HERC4: variants seen among roughly 807,000 people sequenced by gnomAD.
HERC4 encodes probable E3 ubiquitin-protein ligase HERC4.
A neutral mutation model predicts 124.3 loss-of-function variants in HERC4; 28 were observed. That is an observed-to-expected ratio of 0.23 (90% CI 0.17 to 0.31). The LOEUF is 0.31. Among genes scored for constraint, HERC4 ranks in the 10% least tolerant of loss-of-function variants. The pLI, the probability that HERC4 is intolerant of heterozygous loss-of-function variation, is 1.00. For synonymous variants in HERC4, 407 were observed against 421.5 expected (o/e 0.97, Z 0.42); for missense variants, 713 against 1,229.3 (o/e 0.58, Z 6.28).
At chr10:68,041,943 A>C (rs2039788529) in intron 4 of HERC4, among the ~76,000 whole-genome samples, 1 of 152,206 alleles carries the variant, frequency 6.6e-6, no homozygotes, top group South Asian at 2.1e-4. Flanking sequence ...AATATTATCC[A>C]TCCACTGGCA....
chr10:67,958,372 CTTTGGCTTCAAAA>C (rs145316105), intron 16 of HERC4, among the ~76,000 whole-genome samples: 14,222 of 152,218 alleles, frequency 0.093, 886 homozygotes, highest in Middle Eastern at 0.18. Context: ...CCAAAGCACC[CTTTGGCTTCAAAA>C]CTCTATGTTT....
intron 2 of HERC4, among the ~76,000 whole-genome samples, chr10:68,073,409 C>T (rs576419998): frequency 4.3e-4 from 66 of 152,166 alleles, no homozygotes; most frequent in Non-Finnish European, 6.8e-4. Context: ...TGATCCTTTG[C>T]AAAATTTAAA....
intron 15 of HERC4, among the ~76,000 whole-genome samples, chr10:67,980,978 GA>G (rs1176636900): frequency 3.3e-5 from 5 of 151,562 alleles, no homozygotes; most frequent in African/African-American, 1.2e-4. Context: ...AAAACAGCAA[GA>G]AAAAAAAGGA....
At chr10:67,951,765 G>A (rs754146912) in intron 19 of HERC4, among the ~76,000 whole-genome samples, 8 of 152,000 alleles carry the variant, frequency 5.3e-5, no homozygotes, top group African/African-American at 7.3e-5. Flanking sequence ...TCTGAAACAC[G>A]GGCCAACTGA....
At chr10:67,943,313 T>C (rs2033070868) in intron 19 of HERC4, among the ~76,000 whole-genome samples, 1 of 151,996 alleles carries the variant, frequency 6.6e-6, no homozygotes, top group Admixed American at 6.6e-5. Flanking sequence ...GGAGGAAAAA[T>C]GGTATAAGTC....
In HERC4 at chr10:67,998,929, G is replaced by A. The variant is rs184563191; in HGVS notation, c.1070-6247C>T. Among the ~76,000 whole-genome samples the A allele has an allele frequency of 2.9e-3, 441 of 152,126 alleles. 5 individuals carry two copies. The highest frequency in any genetic ancestry group is 3.5e-3 in the East Asian group (18 of 5,168). On this transcript the variant is annotated intron_variant, in intron 9 of 24. Coordinates refer to ENST00000373700, the MANE Select transcript of HERC4 (RefSeq NM_015601.4). ...TAATTTTTATATTTTTAGTAGAAACGGGGTTTCACCATGTTGGTCTCAAAC... is the reference window on the plus strand; with the variant it reads ...TAATTTTTATATTTTTAGTAGAAACAGGGTTTCACCATGTTGGTCTCAAAC...
rs2041643565 is a variant in HERC4, at chr10:68,072,993, A to G, written c.116T>C (p.Val39Ala). The stretch of plus-strand genomic sequence containing the variant: ...CACAGTATGTCTGAGTCCACATCCT[A>G]CATCTCGGACCCTTTTATTTATAAA... ...DFFINKRVRD[V>A]GCGLRHTVFV... Residue 39 changes from valine to alanine, a missense_variant, in exon 3 of 25, where the codon GTA becomes GCA. By Grantham distance (64) the Val-to-Ala change is moderately conservative (BLOSUM62 0). Transcript: ENST00000373700. 6.2e-6 allele frequency: 10 copies of G among 1,613,846 alleles called. No individual in the cohort carries two copies. The highest frequency in any genetic ancestry group is 8.5e-6 in the Non-Finnish European group (10 of 1,179,804).
At chr10:67,963,486 G>C (rs1365703413) in intron 16 of HERC4, among the ~76,000 whole-genome samples, 1 of 152,108 alleles carries the variant, frequency 6.6e-6, no homozygotes, top group African/African-American at 2.4e-5. Flanking sequence ...CAAAGTGCTG[G>C]GACGTGAGCC....
chr10:68,009,473 T>C (rs1452746232), intron 9 of HERC4, among the ~76,000 whole-genome samples: 3 of 152,112 alleles, frequency 2.0e-5, no homozygotes, highest in Non-Finnish European at 4.4e-5. Context: ...AAAATCCATA[T>C]ACCTTAATTT....
At position 68,028,326 on chromosome 10, in the gene HERC4, A is replaced by G. The variant is rs375720158; in HGVS notation, c.778-2650T>C. 5.3e-5 allele frequency among the ~76,000 whole-genome samples: 8 copies of G among 151,776 alleles called. No individual in the cohort carries two copies. The East Asian group carries it at 5.8e-4, about 11-fold the overall frequency. ...GTTTTGCTTATATTGATTTGCAAGA[A>G]GAGAAGATCACTACAAAAATTCATG... is the stretch of plus-strand genomic sequence containing the variant. On this transcript the variant is annotated intron_variant, in intron 7 of 24. Coordinates refer to ENST00000373700, the MANE Select transcript of HERC4 (RefSeq NM_015601.4).
chr10:67,992,843 G>A (rs928799684), intron 9 of HERC4, 161 bp from the exon 10 acceptor site: 15 of 537,444 alleles, frequency 2.8e-5, no homozygotes, highest in African/African-American at 7.7e-5. Context: ...CTGCTATGGG[G>A]ATGAGACTGA....
intron 5 of HERC4, among the ~76,000 whole-genome samples, chr10:68,037,686 C>A (rs554145115): frequency 6.6e-6 from 1 of 152,208 alleles, no homozygotes; most frequent in East Asian, 1.9e-4. Context: ...CAAAAAATGA[C>A]ACCATTCACA....
chr10:67,966,569 G>A, intron 16 of HERC4, 114 bp downstream of exon 16: 1 of 940,566 alleles, frequency 1.1e-6, no homozygotes, highest in African/African-American at 1.7e-5. Flanking sequence ...TAAAAAGTAA[G>A]TTCTGGATAA....
chr10:67,971,891 G>A (rs1285702906), intron 15 of HERC4, among the ~76,000 whole-genome samples: 2 of 152,080 alleles, frequency 1.3e-5, no homozygotes, highest in Non-Finnish European at 2.9e-5. Flanking sequence ...CAAGATCATA[G>A]GGTAAAAGGC....
At chr10:67,980,341 C>G (rs1449834605) in intron 15 of HERC4, among the ~76,000 whole-genome samples, 1 of 152,026 alleles carries the variant, frequency 6.6e-6, no homozygotes, top group East Asian at 1.9e-4. Flanking sequence ...CCATGTTGGT[C>G]AGGCTGGTCT....
chr10:67,971,364 G>A (rs1449796821), intron 15 of HERC4, among the ~76,000 whole-genome samples: 3 of 151,944 alleles, frequency 2.0e-5, no homozygotes, highest in Non-Finnish European at 4.4e-5. Context: ...TATCCCTCAT[G>A]AACACAGATA....
In HERC4 at chr10:68,059,460, A is replaced by ATAATATTATATATTG. The variant is rs1485942628; in HGVS notation, c.226+13422_226+13423insCAATATATAATATTA. ...TATTATAATAATATTATATATTATA[A>ATAATATTATATATTG]TAATATTATATATTATAATATTATA... is the stretch of plus-strand genomic sequence containing the variant. On this transcript the variant is annotated intron_variant, in intron 3 of 24. Coordinates refer to ENST00000373700, the MANE Select transcript of HERC4 (RefSeq NM_015601.4). 4.2e-4 allele frequency among the ~76,000 whole-genome samples: 23 copies of ATAATATTATATATTG among 55,400 alleles called. No individual in the cohort carries two copies. In the African/African-American group the frequency reaches 7.1e-3, roughly 17 times the overall value. 36.3% of individuals were successfully genotyped at this position (55,400 alleles called of 152,430 possible).
chr10:67,931,045 G>A (rs2031742288), intron 23 of HERC4, among the ~76,000 whole-genome samples: 1 of 152,056 alleles, frequency 6.6e-6, no homozygotes, highest in Admixed American at 6.6e-5. Flanking sequence ...GAGTGCAGTG[G>A]CGCAATCTCA....
rs148597938 is a variant in HERC4, at chr10:67,957,506, G to A, written c.1927-530C>T. Among the ~76,000 whole-genome samples, 449 of 152,200 alleles carry A rather than the reference G, an allele frequency of 3.0e-3. 2 individuals carry two copies. Among genetic ancestry groups the A allele is most frequent in the African/African-American group, 0.011 (436 of 41,524 alleles). ...CTATTCTGTTAGCCTTTAAAGTTAC[G>A]AGAACTGATCTATTATTATCATTAT... is the stretch of plus-strand genomic sequence containing the variant. On this transcript the variant is annotated intron_variant, in intron 16 of 24. Transcript: ENST00000373700.
Sources: allele counts gnomAD v4.1 joint callset (sites outside exome capture counted in the v4.1 genomes callset), GRCh38; gene constraint gnomAD v4.1.1; transcripts MANE v1.5; gene names NCBI Gene and HGNC (gene_info 2026-07-23, HGNC 2026-07-21).